The following SIRT5 variants were observed in gnomAD, a reference collection of about 807,000 sequenced individuals.
SIRT5 encodes sirtuin 5, also known as NAD-dependent protein deacylase sirtuin-5, mitochondrial.
A neutral mutation model predicts 40.0 loss-of-function variants in SIRT5; 26 were observed. The observed-to-expected ratio is 0.65, with a 90% CI of 0.48 to 0.90. The LOEUF (loss-of-function observed/expected upper bound fraction) is 0.90. Ranked by LOEUF, SIRT5 falls within the 40% of genes least tolerant of loss-of-function variation. The probability of loss-of-function intolerance (pLI) is 0.00; values close to 1 mark genes in which losing one functional copy is unlikely to be tolerated. For synonymous variants in SIRT5, 146 were observed against 149.1 expected (o/e 0.98, Z 0.15); for missense variants, 401 against 402.4 (o/e 1.00, Z 0.03).
chr6:13,595,833 A>C (rs1006101545), intron 6 of SIRT5, among the ~76,000 whole-genome samples: 8 of 152,006 alleles, frequency 5.3e-5, no homozygotes, highest in African/African-American at 1.9e-4. Flanking sequence ...AAAACAAAAA[A>C]CCACAAAAAT....
intron 9 of SIRT5, among the ~76,000 whole-genome samples, chr6:13,603,902 T>C (rs191946285): frequency 6.6e-6 from 1 of 152,380 alleles, no homozygotes; most frequent in East Asian, 1.9e-4. Context: ...ACTACATGGA[T>C]GACCCTTGAA....
intron 5 of SIRT5, among the ~76,000 whole-genome samples, chr6:13,594,566 C>T (rs1037661858): frequency 1.3e-5 from 2 of 152,212 alleles, no homozygotes; most frequent in Non-Finnish European, 1.5e-5. Flanking sequence ...CTTGCTTGGT[C>T]CACACGCCCA....
At chr6:13,591,510 T>C (rs1760896502) in intron 4 of SIRT5, among the ~76,000 whole-genome samples, 159 bp from the exon 5 acceptor site, 1 of 152,250 alleles carries the variant, frequency 6.6e-6, no homozygotes, top group Non-Finnish European at 1.5e-5. Context: ...AGACCCTGCC[T>C]GGCATCTGCC....
In SIRT5 at chr6:13,614,227, T is replaced by C. The variant is rs986382920; in HGVS notation, c.*2362T>C. On this transcript the variant is annotated 3_prime_UTR_variant, in exon 10 of 10. Transcript: ENST00000606117. ...CACAGAATGGCTGGAGCAACTGTCA[T>C]ATAAGCTGTTATGAAGTGCAGAAAC... 1.3e-5 allele frequency: 2 copies of C among 152,196 alleles called. No homozygotes were observed. Among genetic ancestry groups the C allele is most frequent in the African/African-American group, 4.8e-5 (2 of 41,448 alleles). 9.4% of individuals were successfully genotyped at this position (152,196 alleles called of 1,614,324 possible).
chr6:13,597,005 G>C lies in SIRT5; in HGVS notation c.606G>C (p.Glu202Asp), dbSNP rs750593406. ...PGTQDASIPV[E>D]KLPRCEEAGC... ...CTCAAGATGCCAGCATCCCAGTTGAGAAACTTCCCCGGTAGGTAGAAAACT... is the reference window on the plus strand; with the variant it reads ...CTCAAGATGCCAGCATCCCAGTTGACAAACTTCCCCGGTAGGTAGAAAACT... The change falls in exon 7 of 10, where the codon GAG becomes GAC. Residue 202 changes from glutamate to aspartate, a missense_variant. Glu to Asp is a conservative substitution (Grantham distance 45). Coordinates refer to ENST00000606117, the MANE Select transcript of SIRT5 (RefSeq NM_012241.5). 6.2e-7 allele frequency: 1 copy of C among 1,611,302 alleles called. No individual in the cohort carries two copies. The highest frequency in any genetic ancestry group is 8.5e-7 in the Non-Finnish European group (1 of 1,179,290).
chr6:13,604,110 G>T (rs1167238970), intron 9 of SIRT5, among the ~76,000 whole-genome samples: 2 of 152,210 alleles, frequency 1.3e-5, no homozygotes, highest in African/African-American at 4.8e-5. Context: ...CTCTAAAGTT[G>T]ATTGTGGTGA....
intron 9 of SIRT5, among the ~76,000 whole-genome samples, chr6:13,611,232 TATATACACAC>T (rs1319914762): frequency 4.0e-4 from 53 of 132,064 alleles, no homozygotes; most frequent in African/African-American, 7.5e-4. Context: ...TATATATATA[TATATACACAC>T]ACACATACAC....
At chr6:13,604,775 A>T (rs199554276) in intron 9 of SIRT5, 5 of 1,184,944 alleles carry the variant, frequency 4.2e-6, no homozygotes, top group Non-Finnish European at 5.2e-6. Context: ...CAAGCCTCCT[A>T]AAACCACAGA....
rs1763978421 is a variant in SIRT5, at chr6:13,611,851, GA to G, written c.922del (p.Thr308LeufsTer18). The G allele has an allele frequency of 1.2e-6, 2 of 1,613,928 alleles. No individual in the cohort carries two copies. Among genetic ancestry groups the G allele is most frequent in the African/African-American group, 1.3e-5 (1 of 75,028 alleles). On this transcript the variant is annotated frameshift_variant, in exon 10 of 10. Coordinates refer to ENST00000606117, the MANE Select transcript of SIRT5 (RefSeq NM_012241.5). LOFTEE classifies it high-confidence loss of function. Reference protein sequence around the residue: ...LPEALACHENETVS With the variant: ...LPEALACHENXTVS ...TGAAGCCCTTGCCTGTCATGAAAAT[GA>G]AACTGTTTCTTAAGTGTCCTGGGGA...
At position 13,614,900 on chromosome 6, in the gene SIRT5, G is replaced by C. The variant is rs939978226; in HGVS notation, c.*3035G>C. ...CTTCCCATGAAACGCCACCTCCTCC[G>C]AAGTGCGGAGCGAACGCAGCCAAAT... On this transcript the variant is annotated 3_prime_UTR_variant, in exon 10 of 10. Coordinates refer to ENST00000606117, the MANE Select transcript of SIRT5 (RefSeq NM_012241.5). 6.3e-6 allele frequency: 1 copy of C among 159,728 alleles called. No individual in the cohort carries two copies. Among genetic ancestry groups the C allele is most frequent in the African/African-American group, 2.4e-5 (1 of 41,616 alleles). 9.9% of individuals were successfully genotyped at this position (159,728 alleles called of 1,614,324 possible).
At chr6:13,604,363 C>G in intron 9 of SIRT5, 1 of 772,902 alleles carries the variant, frequency 1.3e-6, no homozygotes, top group Non-Finnish European at 2.3e-6. Context: ...CTCAAGCCTC[C>G]TGTCTGTTTG....
At chr6:13,590,430 T>C (rs2127651351) in intron 4 of SIRT5, among the ~76,000 whole-genome samples, 1 of 152,308 alleles carries the variant, frequency 6.6e-6, no homozygotes, top group African/African-American at 2.4e-5. Context: ...TGTGTAGCTG[T>C]GTGTGTTTAG....
At chr6:13,576,789 T>C (rs1269234071) in intron 1 of SIRT5, among the ~76,000 whole-genome samples, 4 of 152,248 alleles carry the variant, frequency 2.6e-5, no homozygotes, top group Non-Finnish European at 5.9e-5. Context: ...TCAGGTGTTA[T>C]GTTTGAGACT....
intron 9 of SIRT5, chr6:13,604,390 C>G (rs1762819817): frequency 2.3e-6 from 2 of 861,434 alleles, no homozygotes; most frequent in South Asian, 1.4e-5. Flanking sequence ...CATCAGAAAA[C>G]TCGAAGAGTG....
Position 13,600,880 on chromosome 6 carries a change from A to G in SIRT5, c.788A>G (p.Gln263Arg). ...TACCCAGCAGCCATGTTTGCCCCCC[A>G]GGTGGCTGCCAGGGGCGTGCCAGTG... ...VVYPAAMFAP[Q>R]VAARGVPVAE... The change falls in exon 9 of 10, where the codon CAG becomes CGG. Residue 263 changes from glutamine to arginine, a missense_variant. Physicochemically the swap from Gln to Arg is conservative, Grantham distance 43. Transcript: ENST00000606117. 1 of 1,614,158 alleles carries G rather than the reference A, an allele frequency of 6.2e-7. No homozygotes were observed. Among genetic ancestry groups the G allele is most frequent in the Non-Finnish European group, 8.5e-7 (1 of 1,180,012 alleles).
Position 13,584,081 on chromosome 6 carries a change from C to A in SIRT5, c.-30C>A. ...TTTTTGTGATTTTTCTAAAGCCCGC[C>A]TCAAGCATTAGAACTACAGACAAAC... On this transcript the variant is annotated 5_prime_UTR_variant, in exon 3 of 10. Transcript: ENST00000606117. 6.5e-7 allele frequency: 1 copy of A among 1,533,022 alleles called. No individual in the cohort carries two copies. Among genetic ancestry groups the A allele is most frequent in the Non-Finnish European group, 9.0e-7 (1 of 1,109,958 alleles). 95.0% of individuals were successfully genotyped at this position (1,533,022 alleles called of 1,614,324 possible).
At chr6:13,579,183 A>C (rs1759025154) in intron 1 of SIRT5, among the ~76,000 whole-genome samples, 1 of 152,246 alleles carries the variant, frequency 6.6e-6, no homozygotes, top group Admixed American at 6.5e-5. Flanking sequence ...GGATGTTTTC[A>C]ATAAAGACTT....
At chr6:13,580,021 A>G (rs1371094075) in intron 2 of SIRT5, among the ~76,000 whole-genome samples, 2 of 152,208 alleles carry the variant, frequency 1.3e-5, no homozygotes, top group Non-Finnish European at 2.9e-5. Flanking sequence ...AGTGATATTC[A>G]TGTTGGTTGG....
chr6:13,610,806 G>A (rs574624728), intron 9 of SIRT5, among the ~76,000 whole-genome samples: 1 of 152,112 alleles, frequency 6.6e-6, no homozygotes, highest in African/African-American at 2.4e-5. Context: ...TGTCCATTAA[G>A]TGGCACTCTG....
Sources: allele counts gnomAD v4.1 joint callset (sites outside exome capture counted in the v4.1 genomes callset), GRCh38; gene constraint gnomAD v4.1.1; transcripts MANE v1.5; gene names NCBI Gene and HGNC (gene_info 2026-07-23, HGNC 2026-07-21).